PTPN5: variants seen among roughly 807,000 people sequenced by gnomAD.
PTPN5 encodes the protein tyrosine-protein phosphatase non-receptor type 5.
In PTPN5, 29 loss-of-function variants were observed where a neutral mutation model predicts 73.9. The observed-to-expected ratio is 0.39, with a 90% CI of 0.29 to 0.54. The LOEUF (loss-of-function observed/expected upper bound fraction) is 0.54. Among genes scored for constraint, PTPN5 ranks in the 20% least tolerant of loss-of-function variants. The pLI is 0.65. For synonymous variants in PTPN5, 267 were observed against 304.7 expected, an observed-to-expected ratio of 0.88 and a Z score of 1.29; for missense variants, 652 against 751.4, an observed-to-expected ratio of 0.87 and a Z score of 1.55.
chr11:18,781,726 T>A (rs999991506), intron 1 of PTPN5, among the ~76,000 whole-genome samples: 16 of 152,168 alleles, frequency 1.1e-4, no homozygotes, highest in Non-Finnish European at 2.2e-4. Context: ...AATATCAGGC[T>A]CTGTACTGAG....
At chr11:18,745,223 G>A (rs146873437) in intron 3 of PTPN5, among the ~76,000 whole-genome samples, 1 of 152,324 alleles carries the variant, frequency 6.6e-6, no homozygotes, top group East Asian at 1.9e-4. Flanking sequence ...GTGACAGCTG[G>A]GAAGGGGCTG....
At position 18,729,894 on chromosome 11, in the gene PTPN5, G is replaced by T; in HGVS notation, c.1330-76C>A. 1 of 1,570,318 alleles carries T rather than the reference G, an allele frequency of 6.4e-7. No individual in the cohort carries two copies. Among genetic ancestry groups the T allele is most frequent in the Non-Finnish European group, 8.8e-7 (1 of 1,140,954 alleles). On this transcript the variant is annotated intron_variant, in intron 12 of 14. Coordinates refer to ENST00000358540, the MANE Select transcript of PTPN5 (RefSeq NM_006906.2). This position sits in a 1 kb window ranked among gnomAD's most constrained non-coding sequence, Gnocchi z 5.2. Reference sequence around the variant, plus strand: ...CACAAACCAGCCCAGAGATAGAGATGAGATGGAAGGAGGAAGAACACAGGA... The same window carrying T: ...CACAAACCAGCCCAGAGATAGAGATTAGATGGAAGGAGGAAGAACACAGGA...
At chr11:18,770,245 A>C (rs1397614305) in intron 2 of PTPN5, among the ~76,000 whole-genome samples, 1 of 152,220 alleles carries the variant, frequency 6.6e-6, no homozygotes, top group Non-Finnish European at 1.5e-5. Flanking sequence ...ATCTGCTTCC[A>C]GAATATTTTT....
At chr11:18,764,813 C>A (rs908488335) in intron 3 of PTPN5, among the ~76,000 whole-genome samples, 1 of 152,116 alleles carries the variant, frequency 6.6e-6, no homozygotes, top group Non-Finnish European at 1.5e-5. Flanking sequence ...TCTGGGTTCA[C>A]GCCATCCTCC....
intron 3 of PTPN5, among the ~76,000 whole-genome samples, chr11:18,747,406 C>A (rs1177431121): frequency 6.6e-6 from 1 of 152,152 alleles, no homozygotes; most frequent in Non-Finnish European, 1.5e-5. Context: ...CTGCCTTGGC[C>A]TCCCAAAGTG....
intron 2 of PTPN5, among the ~76,000 whole-genome samples, chr11:18,770,889 C>T (rs1004397168): frequency 6.6e-6 from 1 of 152,168 alleles, no homozygotes; most frequent in African/African-American, 2.4e-5. Flanking sequence ...CTGCCGTGGG[C>T]TGGGTGAAGT....
chr11:18,750,111 T>C (rs1402848785), intron 3 of PTPN5, among the ~76,000 whole-genome samples: 1 of 152,196 alleles, frequency 6.6e-6, no homozygotes, highest in African/African-American at 2.4e-5. Flanking sequence ...CGGAAGTGGC[T>C]TGCCCCAGGT....
At chr11:18,776,659 C>T (rs750126207) in intron 1 of PTPN5, among the ~76,000 whole-genome samples, 1 of 152,144 alleles carries the variant, frequency 6.6e-6, no homozygotes, top group African/African-American at 2.4e-5. Flanking sequence ...ACTAAGTCAC[C>T]TGCTCAAGGT....
chr11:18,778,485 CCA>C (rs1418503966), intron 1 of PTPN5, among the ~76,000 whole-genome samples: 2 of 152,152 alleles, frequency 1.3e-5, no homozygotes, highest in African/African-American at 4.8e-5. Flanking sequence ...ATTGTAATCC[CCA>C]GTGTTGGAGG....
chr11:18,734,671 G>A (rs770132049), intron 9 of PTPN5, among the ~76,000 whole-genome samples: 2 of 152,100 alleles, frequency 1.3e-5, no homozygotes, highest in Non-Finnish European at 2.9e-5. Context: ...ATTTTGTTTT[G>A]TTCCAGCTAC....
At chr11:18,754,136 G>A (rs866310319) in intron 3 of PTPN5, among the ~76,000 whole-genome samples, 12 of 152,120 alleles carry the variant, frequency 7.9e-5, no homozygotes, top group East Asian at 7.7e-4. Flanking sequence ...TATGATGGAA[G>A]ATGCTCTAGA....
chr11:18,741,749 AAACT>A (rs1258145176), intron 7 of PTPN5, among the ~76,000 whole-genome samples: 1 of 152,142 alleles, frequency 6.6e-6, no homozygotes, highest in East Asian at 1.9e-4. Flanking sequence ...AAGGGATGAA[AAACT>A]AACTGCTGGG....
At chr11:18,771,666 C>T (rs1234289082) in intron 2 of PTPN5, among the ~76,000 whole-genome samples, 1 of 152,184 alleles carries the variant, frequency 6.6e-6, no homozygotes, top group Non-Finnish European at 1.5e-5. Context: ...GGGTTGGTAG[C>T]TTTAGGGGCT....
At chr11:18,780,748 C>T (rs1021051563) in intron 1 of PTPN5, among the ~76,000 whole-genome samples, 3 of 152,166 alleles carry the variant, frequency 2.0e-5, no homozygotes, top group Non-Finnish European at 4.4e-5. Context: ...GTAAACTTCC[C>T]AGGCTGACAA....
At chr11:18,744,419 T>G (rs917627729) in intron 3 of PTPN5, 3 of 401,158 alleles carry the variant, frequency 7.5e-6, no homozygotes, top group Non-Finnish European at 1.3e-5. Context: ...ATTTCTCCAG[T>G]AACAGAGTTA....
At chr11:18,765,002 G>A (rs532402446) in intron 3 of PTPN5, among the ~76,000 whole-genome samples, 33 of 152,224 alleles carry the variant, frequency 2.2e-4, no homozygotes, top group South Asian at 4.1e-4. Context: ...ATGAGCCACC[G>A]CACCTGGCCC....
intron 3 of PTPN5, among the ~76,000 whole-genome samples, chr11:18,746,417 C>A (rs1251851509): frequency 6.6e-6 from 1 of 151,840 alleles, no homozygotes; most frequent in African/African-American, 2.4e-5. Flanking sequence ...GTCTTGAACA[C>A]CTGACCTCAA....
intron 1 of PTPN5, among the ~76,000 whole-genome samples, chr11:18,778,591 A>C (rs1452407841): frequency 6.6e-6 from 1 of 151,686 alleles, no homozygotes; most frequent in Non-Finnish European, 1.5e-5. Flanking sequence ...AGCATGTGGC[A>C]CCTCCCTCAA....
chr11:18,790,285 C>T (rs1008575878), intron 1 of PTPN5, among the ~76,000 whole-genome samples: 3 of 152,092 alleles, frequency 2.0e-5, no homozygotes, highest in African/African-American at 7.2e-5. Context: ...TGGGGACCTC[C>T]GCAAAGGGAT....
Sources: gnomAD v4.1 joint callset for allele counts (sites outside exome capture counted in the v4.1 genomes callset) on GRCh38, gnomAD v4.1.1 for gene constraint, Gnocchi (gnomAD v3.1) non-coding constraint, MANE v1.5 for transcripts, NCBI Gene and HGNC (gene_info 2026-07-23, HGNC 2026-07-21) for gene names.